GALNT2: variants seen among roughly 807,000 people sequenced by gnomAD.
The protein encoded by GALNT2 is UDP-GalNAc:polypeptide N-acetylgalactosaminyltransferase 2.
A neutral mutation model predicts 81.4 loss-of-function variants in GALNT2; 31 were observed. The ratio of observed to expected loss-of-function variants is 0.38; its 90% CI spans 0.29 to 0.51. The LOEUF (loss-of-function observed/expected upper bound fraction) is 0.51. Among genes scored for constraint, GALNT2 ranks in the 20% least tolerant of loss-of-function variants. The pLI is 0.87. For synonymous variants in GALNT2, 303 were observed against 287.4 expected, an observed-to-expected ratio of 1.05 and a Z score of -0.55; for missense variants, 629 against 765.7, an observed-to-expected ratio of 0.82 and a Z score of 2.11.
chr1:230,224,840 C>T (rs1337515279), intron 3 of GALNT2, among the ~76,000 whole-genome samples: 6 of 152,218 alleles, frequency 3.9e-5, no homozygotes, highest in African/African-American at 2.4e-5. Flanking sequence ...TTTCCTGTGT[C>T]ACAGGGAGGA....
At chr1:230,185,533 T>C (rs1663307030) in intron 2 of GALNT2, among the ~76,000 whole-genome samples, 1 of 152,008 alleles carries the variant, frequency 6.6e-6, no homozygotes, top group Admixed American at 6.5e-5. Flanking sequence ...CTTCCCCCTC[T>C]CCACATCCTT....
chr1:230,228,792 G>A (rs1664790378), intron 3 of GALNT2, among the ~76,000 whole-genome samples: 1 of 152,030 alleles, frequency 6.6e-6, no homozygotes, highest in South Asian at 2.1e-4. Context: ...TTTTCCTGAT[G>A]AATTTAAGAA....
intron 1 of GALNT2, among the ~76,000 whole-genome samples, chr1:230,077,454 AG>A (rs1363198612): frequency 2.0e-5 from 3 of 152,242 alleles, no homozygotes; most frequent in African/African-American, 7.2e-5. Flanking sequence ...CCACTAGGAA[AG>A]AAAAAACACT....
rs139996907 is a variant in GALNT2, at chr1:230,233,651, T to G, written c.375-2363T>G. The stretch of plus-strand genomic sequence containing the variant: ...AACCTACAGAATAATTTTTTTTTAA[T>G]GTATTGGTCCCCTGGAAGGCATAAG... On this transcript the variant is annotated intron_variant, in intron 3 of 15. Transcript: ENST00000366672. Among the ~76,000 whole-genome samples the G allele has an allele frequency of 2.0e-3, 297 of 152,204 alleles. 5 individuals carry two copies. The East Asian group carries it at 0.053, about 27-fold the overall frequency.
chr1:230,208,389 A>G (rs528001832), intron 3 of GALNT2, among the ~76,000 whole-genome samples: 4 of 152,196 alleles, frequency 2.6e-5, no homozygotes, highest in Non-Finnish European at 5.9e-5. Flanking sequence ...CAGCTGAGAT[A>G]TAGGGAGGCT....
At chr1:230,204,415 C>T (rs552273822) in intron 3 of GALNT2, among the ~76,000 whole-genome samples, 3 of 152,228 alleles carry the variant, frequency 2.0e-5, no homozygotes, top group South Asian at 2.1e-4. Context: ...GTGATCCGCC[C>T]GCCTCGGCCT....
At chr1:230,251,995 G>T (rs1429690240) in intron 10 of GALNT2, among the ~76,000 whole-genome samples, 1 of 152,150 alleles carries the variant, frequency 6.6e-6, no homozygotes, top group Non-Finnish European at 1.5e-5. Flanking sequence ...AGCGGTTCAG[G>T]TTGGGGTGAA....
At chr1:230,071,400 G>T (rs1659368846) in intron 1 of GALNT2, among the ~76,000 whole-genome samples, 2 of 152,160 alleles carry the variant, frequency 1.3e-5, no homozygotes, top group Admixed American at 1.3e-4. Flanking sequence ...GTGGGTGGAG[G>T]GTGCAGCTTG....
intron 3 of GALNT2, among the ~76,000 whole-genome samples, chr1:230,204,723 G>A (rs1558139047): frequency 6.6e-6 from 1 of 152,150 alleles, no homozygotes; most frequent in Non-Finnish European, 1.5e-5. Flanking sequence ...CATTTTGAAG[G>A]CAGCTGTTTT....
chr1:230,060,445 T>C (rs1659019476), intron 1 of GALNT2, among the ~76,000 whole-genome samples: 1 of 152,144 alleles, frequency 6.6e-6, no homozygotes, highest in Non-Finnish European at 1.5e-5. Flanking sequence ...CATCTGACCC[T>C]CATAAGTGAT....
intron 1 of GALNT2, among the ~76,000 whole-genome samples, chr1:230,172,282 A>G (rs1387459488): frequency 1.3e-5 from 2 of 152,152 alleles, no homozygotes; most frequent in African/African-American, 4.8e-5. Context: ...AAGCAGCCCT[A>G]CTGGATGGGC....
At chr1:230,174,742 C>G (rs769947900) in intron 1 of GALNT2, among the ~76,000 whole-genome samples, 7 of 152,140 alleles carry the variant, frequency 4.6e-5, no homozygotes, top group African/African-American at 7.2e-5. Flanking sequence ...CTCTCTTGTG[C>G]CCTCTAGTCT....
intron 1 of GALNT2, among the ~76,000 whole-genome samples, chr1:230,160,146 C>A (rs1261948186): frequency 6.6e-6 from 1 of 152,216 alleles, no homozygotes. Flanking sequence ...GCTTCTCCAA[C>A]CCATTGTCTC....
chr1:230,064,529 T>TTG (rs1558266047), upstream of GALNT2, among the ~76,000 whole-genome samples: 1 of 152,134 alleles, frequency 6.6e-6, no homozygotes, highest in African/African-American at 2.4e-5. Context: ...TGGTACTTTT[T>TTG]TGTGTGTGTG....
intron 11 of GALNT2, 94 bp downstream of exon 11, chr1:230,255,438 A>T: frequency 6.6e-7 from 1 of 1,515,266 alleles, no homozygotes; most frequent in Non-Finnish European, 9.1e-7. Context: ...GATGTCCTTC[A>T]GTGGGTGTGG....
intron 2 of GALNT2, among the ~76,000 whole-genome samples, chr1:230,191,563 G>A (rs1489139326): frequency 6.6e-6 from 1 of 152,238 alleles, no homozygotes; most frequent in Non-Finnish European, 1.5e-5. Flanking sequence ...CCAGGTTGGA[G>A]TGCAGTAGTG....
At chr1:230,064,638 A>G (rs1659127039), upstream of GALNT2, among the ~76,000 whole-genome samples, 1 of 152,224 alleles carries the variant, frequency 6.6e-6, no homozygotes, top group East Asian at 1.9e-4. Context: ...CTTCCACCTC[A>G]GCCTCTCGAG....
At position 230,243,163 on chromosome 1, in the gene GALNT2, C is replaced by T; in HGVS notation, c.608-143C>T. 9.4e-7 allele frequency: 1 copy of T among 1,058,470 alleles called. No individual in the cohort carries two copies. Among genetic ancestry groups the T allele is most frequent in the Admixed American group, 2.8e-5 (1 of 36,250 alleles). 65.6% of individuals were successfully genotyped at this position (1,058,470 alleles called of 1,614,324 possible). On this transcript the variant is annotated intron_variant, in intron 6 of 15. Transcript: ENST00000366672. The surrounding 1 kb of genome is among the most constrained non-coding windows in gnomAD (Gnocchi z 4.2). ...GTCTGTCTCATGGAGCAGTTTTGAT[C>T]TCATCCAGCAAGTTTACAGTAATGT...
intron 14 of GALNT2, among the ~76,000 whole-genome samples, chr1:230,266,464 A>C (rs1292699034): frequency 1.3e-5 from 2 of 152,180 alleles, no homozygotes; most frequent in African/African-American, 4.8e-5. Context: ...CCGTGTGTGT[A>C]TCCTGAATGT....
Sources: allele counts gnomAD v4.1 joint callset (sites outside exome capture counted in the v4.1 genomes callset), GRCh38; gene constraint gnomAD v4.1.1; non-coding constraint Gnocchi (gnomAD v3.1); transcripts MANE v1.5; gene names NCBI Gene and HGNC (gene_info 2026-07-23, HGNC 2026-07-21).